Variants in LRCH1 observed in about 807,000 individuals in gnomAD.
LRCH1 encodes the protein leucine rich repeats and calponin homology domain containing 1.
A neutral mutation model predicts 94.9 loss-of-function variants in LRCH1; 23 were observed. That is an observed-to-expected ratio of 0.24 (90% CI 0.17 to 0.34). The LOEUF (loss-of-function observed/expected upper bound fraction) is 0.34. Ranked by LOEUF, LRCH1 falls within the 10% of genes least tolerant of loss-of-function variation. The pLI is 1.00. For missense variants in LRCH1, 790 were observed against 945.9 expected (o/e 0.84, Z 2.16); for synonymous variants, 364 against 354.9 (o/e 1.03, Z -0.29).
chr13:46,589,833 T>G (rs1269482650), intron 1 of LRCH1, among the ~76,000 whole-genome samples: 1 of 151,878 alleles, frequency 6.6e-6, no homozygotes, highest in African/African-American at 2.4e-5. Context: ...ACTCCTGACC[T>G]CAGGTGATCC....
At chr13:46,585,446 G>GCCACCA (rs2050422586) in intron 1 of LRCH1, among the ~76,000 whole-genome samples, 1 of 151,782 alleles carries the variant, frequency 6.6e-6, no homozygotes, top group African/African-American at 2.4e-5. Flanking sequence ...GCATAGTGGT[G>GCCACCA]GGCGCCTGTA....
In LRCH1 at chr13:46,663,645, A is replaced by G. The variant is rs184749789; in HGVS notation, c.453-5385A>G. Among the ~76,000 whole-genome samples, 175 of 152,358 alleles carry G rather than the reference A, an allele frequency of 1.1e-3. 1 individual carries two copies. Among genetic ancestry groups the G allele is most frequent in the Non-Finnish European group, 2.5e-4 (17 of 68,034 alleles). Reference sequence around the variant, plus strand: ...AAGAGCATAAAAACAAAATTAGGTGAGGTATCCTGTGAAAAGGAAACTTAC... The same window carrying G: ...AAGAGCATAAAAACAAAATTAGGTGGGGTATCCTGTGAAAAGGAAACTTAC... On this transcript the variant is annotated intron_variant, in intron 2 of 19. Transcript: ENST00000389797.
At chr13:46,583,350 T>C (rs2050394252) in intron 1 of LRCH1, among the ~76,000 whole-genome samples, 2 of 152,242 alleles carry the variant, frequency 1.3e-5, no homozygotes. Context: ...ATGAGGCTTA[T>C]TGTACCAAGA....
At chr13:46,672,556 G>T (rs757512531) in intron 3 of LRCH1, among the ~76,000 whole-genome samples, 4 of 152,154 alleles carry the variant, frequency 2.6e-5, no homozygotes, top group African/African-American at 9.7e-5. Flanking sequence ...CCGCATACTA[G>T]AGCAGGGCTT....
chr13:46,609,590 A>C (rs2050725182), intron 1 of LRCH1, among the ~76,000 whole-genome samples: 1 of 152,216 alleles, frequency 6.6e-6, no homozygotes, highest in Non-Finnish European at 1.5e-5. Context: ...TAAATTTATT[A>C]ACCAAATAGT....
At chr13:46,722,025 A>C (rs912934074) in intron 16 of LRCH1, among the ~76,000 whole-genome samples, 5 of 152,366 alleles carry the variant, frequency 3.3e-5, no homozygotes, top group African/African-American at 1.2e-4. Flanking sequence ...CTTTGTATCC[A>C]AAGTATTCTA....
intron 1 of LRCH1, among the ~76,000 whole-genome samples, chr13:46,645,292 A>G (rs970404): frequency 0.65 from 99,585 of 152,060 alleles, 32,876 homozygotes; most frequent in East Asian, 0.85. Context: ...TCTTACCATT[A>G]CATTTTTCCC....
chr13:46,702,454 A>T (rs1194953029), intron 11 of LRCH1, among the ~76,000 whole-genome samples: 2 of 152,218 alleles, frequency 1.3e-5, no homozygotes, highest in African/African-American at 4.8e-5. Flanking sequence ...GCGAGCCGAG[A>T]TCGTGCCACC....
At chr13:46,706,965 A>G (rs1189574921) in intron 13 of LRCH1, among the ~76,000 whole-genome samples, 2 of 152,158 alleles carry the variant, frequency 1.3e-5, no homozygotes, top group Non-Finnish European at 2.9e-5. Flanking sequence ...TAATCATTTT[A>G]GTGTGTGTTT....
At chr13:46,634,707 C>G (rs777905628) in intron 1 of LRCH1, among the ~76,000 whole-genome samples, 37 of 152,218 alleles carry the variant, frequency 2.4e-4, no homozygotes, top group Non-Finnish European at 4.6e-4. Flanking sequence ...GTCTCCCCCT[C>G]CTGTCAGAGT....
chr13:46,559,673 G>C (rs955441179), intron 1 of LRCH1, among the ~76,000 whole-genome samples: 1 of 152,166 alleles, frequency 6.6e-6, no homozygotes, highest in Non-Finnish European at 1.5e-5. Flanking sequence ...TACAATTATA[G>C]GCCAGGGAAC....
At chr13:46,587,188 C>T (rs1046775191) in intron 1 of LRCH1, among the ~76,000 whole-genome samples, 5 of 152,220 alleles carry the variant, frequency 3.3e-5, no homozygotes, top group Admixed American at 2.6e-4. Context: ...TCTCTTATTT[C>T]CATTAGCCCT....
intron 17 of LRCH1, among the ~76,000 whole-genome samples, chr13:46,728,016 A>C (rs1872911991): frequency 1.3e-5 from 2 of 151,642 alleles, no homozygotes; most frequent in South Asian, 4.2e-4. Context: ...TCCTGAGTTC[A>C]AGACATCCTC....
intron 16 of LRCH1, 123 bp from the exon 17 acceptor site, chr13:46,723,094 ATTTC>A (rs1157273605): frequency 3.7e-6 from 2 of 544,566 alleles, no homozygotes; most frequent in Admixed American, 3.5e-5. Flanking sequence ...TGGATTTGGA[ATTTC>A]TTTGTTTCTT....
At chr13:46,687,062 G>C (rs1870657353) in intron 5 of LRCH1, among the ~76,000 whole-genome samples, 1 of 145,902 alleles carries the variant, frequency 6.9e-6, no homozygotes, top group Non-Finnish European at 1.5e-5. Context: ...AGGATCAAGT[G>C]ATTCTCCTGC....
chr13:46,735,135 A>C (rs1873306534), intron 19 of LRCH1, among the ~76,000 whole-genome samples: 1 of 126,146 alleles, frequency 7.9e-6, no homozygotes, highest in Non-Finnish European at 1.9e-5. Context: ...GGAAGCTTAC[A>C]AATTTATTTT....
intron 1 of LRCH1, among the ~76,000 whole-genome samples, chr13:46,583,445 C>T (rs1451343150): frequency 1.3e-5 from 2 of 152,168 alleles, no homozygotes; most frequent in African/African-American, 2.4e-5. Flanking sequence ...TTTTGTTTGC[C>T]TTCTGAGGCA....
intron 1 of LRCH1, among the ~76,000 whole-genome samples, chr13:46,555,434 A>C (rs2050053527): frequency 6.6e-6 from 1 of 152,190 alleles, no homozygotes; most frequent in African/African-American, 2.4e-5. Flanking sequence ...AAGTTAGGTG[A>C]ACTTGATGTG....
Position 46,743,565 on chromosome 13 carries a change from A to T in LRCH1, c.*1717A>T. Reference sequence around the variant, plus strand: ...ATGTCTAATGAGCACCCTGAGCCATAAATTGCTTAATAAACACATTTTGGG... The same window carrying T: ...ATGTCTAATGAGCACCCTGAGCCATTAATTGCTTAATAAACACATTTTGGG... On this transcript the variant is annotated 3_prime_UTR_variant, in exon 20 of 20. Transcript: ENST00000389797. 1.0e-6 allele frequency: 1 copy of T among 985,850 alleles called. No individual in the cohort carries two copies. Among genetic ancestry groups the T allele is most frequent in the Non-Finnish European group, 1.2e-6 (1 of 829,932 alleles). 61.1% of individuals were successfully genotyped at this position (985,850 alleles called of 1,614,324 possible). A position where few individuals can be genotyped will look rare whatever the true frequency, so the allele number is the denominator to read the frequency against.
Sources: allele counts gnomAD v4.1 joint callset (sites outside exome capture counted in the v4.1 genomes callset), GRCh38; gene constraint gnomAD v4.1.1; transcripts MANE v1.5; gene names NCBI Gene and HGNC (gene_info 2026-07-23, HGNC 2026-07-21).